BLTP1: variants seen among roughly 807,000 people sequenced by gnomAD.
BLTP1 encodes the protein fragile site-associated protein.
the BLTP1 span, chr4:122,210,031 GTATAAA>G: frequency 7.0e-7 from 1 of 1,426,690 alleles, no homozygotes; most frequent in South Asian, 1.4e-5. Context: ...TTGTGACATA[GTATAAA>G]TATAGTCTTA....
At chr4:122,239,895 A>C in the BLTP1 span, 1 of 1,614,010 alleles carries the variant, frequency 6.2e-7, no homozygotes, top group Non-Finnish European at 8.5e-7. Context: ...TGAGCCCATT[A>C]GCAGTGATGA....
the BLTP1 span, chr4:122,289,245 G>A: frequency 8.0e-7 from 1 of 1,250,872 alleles, no homozygotes; most frequent in Non-Finnish European, 1.1e-6. Flanking sequence ...TTCTCATTGA[G>A]CGTGTGATAT....
At chr4:122,229,662 A>AACAAG in the BLTP1 span, 1 of 919,386 alleles carries the variant, frequency 1.1e-6, no homozygotes, top group Non-Finnish European at 1.3e-6. Context: ...CTATTTCATT[A>AACAAG]TTTACTTCTC....
chr4:122,175,496 T>TA, the BLTP1 span, among the ~76,000 whole-genome samples: 1 of 152,172 alleles, frequency 6.6e-6, no homozygotes, highest in African/African-American at 2.4e-5. Context: ...TTTTTTATTT[T>TA]AAAAAATATC....
At chr4:122,233,808 GTTA>G in the BLTP1 span, among the ~76,000 whole-genome samples, 25 of 152,142 alleles carry the variant, frequency 1.6e-4, 1 homozygote, top group South Asian at 5.2e-3. Context: ...TTTATGATTA[GTTA>G]TTATTTTCTT....
chr4:122,316,642 T>C, the BLTP1 span: 1 of 1,501,336 alleles, frequency 6.7e-7, no homozygotes. Flanking sequence ...GATTCTTGCA[T>C]GCTTTGATTT....
chr4:122,319,143 A>G, the BLTP1 span, among the ~76,000 whole-genome samples: 1 of 152,074 alleles, frequency 6.6e-6, no homozygotes, highest in African/African-American at 2.4e-5. Context: ...CTAGAGGCTT[A>G]TCAATTTTAT....
the BLTP1 span, among the ~76,000 whole-genome samples, chr4:122,293,466 G>A: frequency 1.3e-5 from 2 of 152,134 alleles, no homozygotes; most frequent in African/African-American, 2.4e-5. Context: ...ATGTGTGACT[G>A]TGTGACCCTG....
the BLTP1 span, among the ~76,000 whole-genome samples, chr4:122,185,638 T>C: frequency 6.6e-6 from 1 of 152,274 alleles, no homozygotes; most frequent in South Asian, 2.1e-4. Context: ...AAAGTTCAAA[T>C]ACCAATATGA....
chr4:122,360,092 C>T, the BLTP1 span: 18 of 949,172 alleles, frequency 1.9e-5, no homozygotes, highest in African/African-American at 3.0e-4. Flanking sequence ...CAAGATGCAG[C>T]AGAAGTCATA....
chr4:122,184,465 C>T, the BLTP1 span: 7 of 152,684 alleles, frequency 4.6e-5, no homozygotes, highest in African/African-American at 1.2e-4. Flanking sequence ...ATGGTGAAAC[C>T]GCTTCTCTAC....
the BLTP1 span, chr4:122,256,014 A>C: frequency 1.0e-6 from 1 of 968,688 alleles, no homozygotes; most frequent in Non-Finnish European, 1.2e-6. Flanking sequence ...GATTGAGGGG[A>C]GAATATACAA....
At chr4:122,235,417 A>G in the BLTP1 span, 3 of 975,156 alleles carry the variant, frequency 3.1e-6, no homozygotes, top group Non-Finnish European at 3.7e-6. Context: ...TAATATTTAT[A>G]CTGTTGGCCC....
the BLTP1 span, chr4:122,362,008 A>C: frequency 6.2e-7 from 1 of 1,601,190 alleles, no homozygotes; most frequent in South Asian, 1.1e-5. Context: ...ACTCCTTAAT[A>C]ATAACTGTAA....
the BLTP1 span, among the ~76,000 whole-genome samples, chr4:122,267,211 A>G: frequency 1.3e-5 from 2 of 151,628 alleles, no homozygotes; most frequent in Admixed American, 1.3e-4. Context: ...AGCGCCTGCC[A>G]CCATGCCTGG....
the BLTP1 span, chr4:122,340,599 A>C: frequency 3.4e-6 from 1 of 298,398 alleles, no homozygotes; most frequent in Non-Finnish European, 4.9e-6. Context: ...TGGTTATAGG[A>C]AATCATTTGT....
the BLTP1 span, among the ~76,000 whole-genome samples, chr4:122,212,841 T>C: frequency 3.3e-5 from 5 of 152,192 alleles, no homozygotes. Context: ...CTAAATATTA[T>C]ATTAGTGATG....
the BLTP1 span, chr4:122,245,262 G>A: frequency 2.7e-5 from 21 of 777,062 alleles, no homozygotes; most frequent in African/African-American, 1.6e-4. Context: ...TTCTAAAAGC[G>A]TTTATATGTC....
chr4:122,291,602 C>T, the BLTP1 span: 8 of 344,258 alleles, frequency 2.3e-5, no homozygotes, highest in South Asian at 2.4e-4. Context: ...TATTTGTCCA[C>T]GAAGGACTTT....
Sources: gnomAD v4.1 joint callset for allele counts (sites outside exome capture counted in the v4.1 genomes callset) on GRCh38, gnomAD v4.1.1 for gene constraint, MANE v1.5 for transcripts, NCBI Gene and HGNC (gene_info 2026-07-23, HGNC 2026-07-21) for gene names.